RGS20: variants seen among roughly 807,000 people sequenced by gnomAD.
RGS20 encodes gz-selective GTPase-activating protein.
Under a neutral mutation model 33.6 loss-of-function variants are expected in RGS20, and 30 were observed. The ratio of observed to expected loss-of-function variants is 0.89; its 90% CI spans 0.67 to 1.21. The LOEUF (loss-of-function observed/expected upper bound fraction) is 1.21. Among genes scored for constraint, RGS20 ranks in the 50% most tolerant of loss-of-function variants. The pLI is 0.00. For missense variants in RGS20, 472 were observed against 502.4 expected (o/e 0.94, Z 0.58); for synonymous variants, 208 against 197.9 (o/e 1.05, Z -0.43).
intron 1 of RGS20, among the ~76,000 whole-genome samples, chr8:53,874,166 A>C (rs1812140723): frequency 6.6e-6 from 1 of 152,160 alleles, no homozygotes; most frequent in Non-Finnish European, 1.5e-5. Context: ...CCAACAAAGC[A>C]AGACTCCGTC....
At chr8:53,895,315 T>C (rs935383185) in intron 2 of RGS20, among the ~76,000 whole-genome samples, 9 of 152,170 alleles carry the variant, frequency 5.9e-5, no homozygotes, top group Non-Finnish European at 1.5e-5. Context: ...GCTCCAACTG[T>C]GGTGCCAGGC....
At chr8:53,855,316 C>T (rs28828771) in intron 1 of RGS20, among the ~76,000 whole-genome samples, 5,757 of 152,266 alleles carry the variant, frequency 0.038, 348 homozygotes, top group African/African-American at 0.13. Context: ...CCGCCCACCT[C>T]GGCCTCTCAA....
At chr8:53,902,959 C>G (rs375505369) in intron 2 of RGS20, among the ~76,000 whole-genome samples, 1 of 152,116 alleles carries the variant, frequency 6.6e-6, no homozygotes, top group Non-Finnish European at 1.5e-5. Context: ...CTTCTGACCT[C>G]GGGGGATCTG....
chr8:53,910,900 A>G (rs888826501), intron 2 of RGS20, among the ~76,000 whole-genome samples: 1 of 152,238 alleles, frequency 6.6e-6, no homozygotes, highest in African/African-American at 2.4e-5. Context: ...CAATCTACAA[A>G]GTAATAATAT....
At chr8:53,902,661 A>G (rs1051037310) in intron 2 of RGS20, among the ~76,000 whole-genome samples, 2 of 152,214 alleles carry the variant, frequency 1.3e-5, no homozygotes, top group African/African-American at 4.8e-5. Flanking sequence ...ACTGACCAAT[A>G]GGTTATGGAT....
chr8:53,875,888 A>T (rs565969352), intron 1 of RGS20, among the ~76,000 whole-genome samples: 1 of 152,316 alleles, frequency 6.6e-6, no homozygotes, highest in African/African-American at 2.4e-5. Flanking sequence ...CCTCAAGTTA[A>T]TATTAACCTG....
intron 2 of RGS20, 64 bp from the exon 1 acceptor site, chr8:53,880,808 T>C (rs1585880566): frequency 7.6e-7 from 1 of 1,313,214 alleles, no homozygotes; most frequent in African/African-American, 1.6e-5. Flanking sequence ...GCGCCGCCGC[T>C]GGAGGGAGGC....
chr8:53,931,889 C>T (rs911549878), intron 2 of RGS20, among the ~76,000 whole-genome samples: 8 of 152,148 alleles, frequency 5.3e-5, no homozygotes, highest in Non-Finnish European at 1.0e-4. Flanking sequence ...ACTCTTTTCC[C>T]ACAGTCTTTG....
intron 1 of RGS20, among the ~76,000 whole-genome samples, chr8:53,875,237 G>C (rs1259700519): frequency 6.6e-6 from 1 of 151,998 alleles, no homozygotes; most frequent in Non-Finnish European, 1.5e-5. Context: ...TTTGAGATCA[G>C]CCTGGCCAAC....
At chr8:53,908,785 C>A (rs1234196917) in intron 2 of RGS20, among the ~76,000 whole-genome samples, 1 of 151,996 alleles carries the variant, frequency 6.6e-6, no homozygotes, top group Non-Finnish European at 1.5e-5. Context: ...GCCTGGGTGA[C>A]AGGGTGAGAC....
At chr8:53,915,435 C>A (rs1421975086) in intron 2 of RGS20, among the ~76,000 whole-genome samples, 3 of 152,166 alleles carry the variant, frequency 2.0e-5, no homozygotes, top group African/African-American at 7.2e-5. Flanking sequence ...CAGGGATCTC[C>A]CCACTCCTGC....
At chr8:53,881,237 G>C (rs1035684626) in intron 2 of RGS20, among the ~76,000 whole-genome samples, 153 bp downstream of exon 1, 1 of 152,006 alleles carries the variant, frequency 6.6e-6, no homozygotes, top group Admixed American at 6.5e-5. Flanking sequence ...TGCGAGTCGG[G>C]GGTTCCTTCC....
chr8:53,853,780 G>A (rs1811616615), intron 1 of RGS20, among the ~76,000 whole-genome samples: 1 of 152,088 alleles, frequency 6.6e-6, no homozygotes, highest in African/African-American at 2.4e-5. Context: ...CAAACATATA[G>A]CATATTATCA....
intron 2 of RGS20, among the ~76,000 whole-genome samples, chr8:53,885,355 T>G (rs1478161824): frequency 6.6e-6 from 1 of 152,184 alleles, no homozygotes; most frequent in Admixed American, 6.5e-5. Context: ...GGCTCACGCC[T>G]GTAATCCCAG....
Position 53,939,653 on chromosome 8 carries a change from CCAGCCCGGAGCG to C in RGS20, c.589_600del (p.Gln197_Ala200del). 6.3e-7 allele frequency: 1 copy of C among 1,594,432 alleles called. No individual in the cohort carries two copies. The highest frequency in any genetic ancestry group is 8.5e-7 in the Non-Finnish European group (1 of 1,171,414). ...AGGACACACCAGGCGCCGCCCCAGG[CCAGCCCGGAGCG>C]GGGAGTCGCGGGTCCAACGCATGCT... On this transcript the variant is annotated inframe_deletion, in exon 3 of 6. Transcript: ENST00000297313.
intron 2 of RGS20, among the ~76,000 whole-genome samples, chr8:53,892,995 G>T (rs1370506739): frequency 6.6e-6 from 1 of 152,036 alleles, no homozygotes; most frequent in Non-Finnish European, 1.5e-5. Flanking sequence ...TGAAACTGAA[G>T]AATTTAGATA....
intron 2 of RGS20, among the ~76,000 whole-genome samples, chr8:53,899,752 T>C (rs1278283054): frequency 2.0e-5 from 3 of 152,200 alleles, no homozygotes; most frequent in Non-Finnish European, 4.4e-5. Context: ...CCATGGCATG[T>C]CAGAAAGAGA....
intron 2 of RGS20, 124 bp from the exon 1 acceptor site, chr8:53,880,748 C>T: frequency 1.3e-6 from 1 of 753,990 alleles, no homozygotes; most frequent in Non-Finnish European, 1.9e-6. Context: ...GTGGAGGTCG[C>T]GCCCCGCGTG....
chr8:53,889,250 G>C (rs1208004773), intron 2 of RGS20, among the ~76,000 whole-genome samples: 22 of 151,876 alleles, frequency 1.4e-4, no homozygotes, highest in Non-Finnish European at 7.4e-5. Context: ...CTGTGTAGTG[G>C]TATCTCATTA....
Sources: gnomAD v4.1 joint callset for allele counts (sites outside exome capture counted in the v4.1 genomes callset) on GRCh38, gnomAD v4.1.1 for gene constraint, MANE v1.5 for transcripts, NCBI Gene and HGNC (gene_info 2026-07-23, HGNC 2026-07-21) for gene names.